PTPRN2: variants seen among roughly 807,000 people sequenced by gnomAD.
The protein encoded by PTPRN2 is protein tyrosine phosphatase receptor type N2, also known as receptor-type tyrosine-protein phosphatase N2.
Under a neutral mutation model 118.8 loss-of-function variants are expected in PTPRN2, and 74 were observed. The ratio of observed to expected loss-of-function variants is 0.62; its 90% CI spans 0.52 to 0.76. The LOEUF (loss-of-function observed/expected upper bound fraction) is 0.76. Among genes scored for constraint, PTPRN2 ranks in the 30% least tolerant of loss-of-function variants. The pLI, the probability that PTPRN2 is intolerant of heterozygous loss-of-function variation, is 0.00. For synonymous variants in PTPRN2, 641 were observed against 608.0 expected, an observed-to-expected ratio of 1.05 and a Z score of -0.80; for missense variants, 1,481 against 1,394.4, an observed-to-expected ratio of 1.06 and a Z score of -0.99.
At chr7:158,242,203 G>GTCCTCTGCACCT (rs1795944798) in intron 3 of PTPRN2, among the ~76,000 whole-genome samples, 1 of 152,052 alleles carries the variant, frequency 6.6e-6, no homozygotes, top group Non-Finnish European at 1.5e-5. Flanking sequence ...TCCCCGCCCC[G>GTCCTCTGCACCT]TCCTCTGCAC....
At chr7:158,185,148 T>A (rs1486823224) in intron 5 of PTPRN2, among the ~76,000 whole-genome samples, 1 of 152,212 alleles carries the variant, frequency 6.6e-6, no homozygotes, top group Non-Finnish European at 1.5e-5. Flanking sequence ...TTGATAAAAA[T>A]TGTTTAGAAT....
chr7:158,137,240 A>G (rs1262594490), intron 7 of PTPRN2, among the ~76,000 whole-genome samples: 1 of 151,998 alleles, frequency 6.6e-6, no homozygotes, highest in African/African-American at 2.4e-5. Context: ...AACAGGCGAA[A>G]CCCCGTCTCT....
intron 11 of PTPRN2, among the ~76,000 whole-genome samples, chr7:157,935,496 A>G (rs1799642319): frequency 6.6e-6 from 1 of 152,126 alleles, no homozygotes; most frequent in Non-Finnish European, 1.5e-5. Flanking sequence ...CACGGCCTCC[A>G]TCTTTCTGCT....
At chr7:158,454,881 C>T (rs372033140) in intron 2 of PTPRN2, among the ~76,000 whole-genome samples, 28 of 152,178 alleles carry the variant, frequency 1.8e-4, no homozygotes, top group South Asian at 4.1e-4. Flanking sequence ...ACAGAGATGA[C>T]GGCTGTTGCA....
chr7:158,412,767 G>A (rs1586611859), intron 2 of PTPRN2, among the ~76,000 whole-genome samples: 7 of 100,332 alleles, frequency 7.0e-5, no homozygotes, highest in South Asian at 4.2e-4. Context: ...ACCCTCCTCA[G>A]CACCAGGGCC....
chr7:157,767,968 C>CT (rs1802582465), intron 12 of PTPRN2, among the ~76,000 whole-genome samples: 1 of 152,222 alleles, frequency 6.6e-6, no homozygotes, highest in Admixed American at 6.5e-5. Context: ...GGGACGCTTC[C>CT]ATACACGATT....
chr7:158,337,165 C>A (rs1299247276), intron 2 of PTPRN2, among the ~76,000 whole-genome samples: 572 of 149,526 alleles, frequency 3.8e-3, no homozygotes, highest in African/African-American at 0.013. Flanking sequence ...AGAGGTGACA[C>A]CTGCAGACGT....
chr7:157,878,174 G>A (rs1411713979), intron 12 of PTPRN2, among the ~76,000 whole-genome samples: 4 of 152,220 alleles, frequency 2.6e-5, no homozygotes, highest in African/African-American at 9.6e-5. Flanking sequence ...CCTCTTGGTG[G>A]CCTGTGGTCC....
chr7:158,510,860 C>T (rs1306139103), intron 1 of PTPRN2, among the ~76,000 whole-genome samples: 14 of 152,212 alleles, frequency 9.2e-5, no homozygotes, highest in African/African-American at 2.9e-4. Flanking sequence ...TTCTCAGGGC[C>T]GCTTGCTGGG....
At position 158,526,735 on chromosome 7, in the gene PTPRN2, C is replaced by T. The variant is rs143362364; in HGVS notation, c.113-36950G>A. Among the ~76,000 whole-genome samples the T allele has an allele frequency of 3.4e-4, 51 of 152,200 alleles. No homozygotes were observed. Among genetic ancestry groups the T allele is most frequent in the Middle Eastern group, 3.4e-3 (1 of 294 alleles). On this transcript the variant is annotated intron_variant, in intron 1 of 22. Coordinates refer to ENST00000389418, the MANE Select transcript of PTPRN2 (RefSeq NM_002847.5). The surrounding 1 kb of genome is among the most constrained non-coding windows in gnomAD (Gnocchi z 5.2). Reference sequence around the variant, plus strand: ...GGAGGAGGAGGTGAGGACACAGACACGCACAGATGGACAACCCTGTGGGGC... The same window carrying T: ...GGAGGAGGAGGTGAGGACACAGACATGCACAGATGGACAACCCTGTGGGGC...
intron 2 of PTPRN2, among the ~76,000 whole-genome samples, chr7:158,431,131 C>T (rs1333566534): frequency 6.6e-6 from 1 of 152,236 alleles, no homozygotes; most frequent in African/African-American, 2.4e-5. Context: ...TGAATGTTTT[C>T]AGTGACAGAT....
chr7:158,391,792 G>A (rs570868435), intron 2 of PTPRN2, among the ~76,000 whole-genome samples: 42 of 152,210 alleles, frequency 2.8e-4, no homozygotes, highest in Non-Finnish European at 4.7e-4. Flanking sequence ...TCAGTACCGG[G>A]GGCGGGGGAG....
intron 11 of PTPRN2, among the ~76,000 whole-genome samples, chr7:157,920,474 G>A (rs557149306): frequency 6.6e-5 from 10 of 152,338 alleles, no homozygotes. Context: ...CCTACACCAA[G>A]GCCCCCCATG....
intron 11 of PTPRN2, among the ~76,000 whole-genome samples, chr7:158,046,457 G>A (rs538037289): frequency 6.6e-5 from 10 of 151,672 alleles, no homozygotes; most frequent in Non-Finnish European, 1.5e-4. Context: ...TGCGATCCTG[G>A]CATCCTGACA....
At chr7:158,586,646 G>A (rs1171059671) in intron 1 of PTPRN2, among the ~76,000 whole-genome samples, 1 of 152,228 alleles carries the variant, frequency 6.6e-6, no homozygotes, top group Non-Finnish European at 1.5e-5. Context: ...GCGTCCGCCT[G>A]GGAAAGCAGC....
intron 12 of PTPRN2, among the ~76,000 whole-genome samples, chr7:157,735,050 G>A (rs1338057566): frequency 1.3e-5 from 2 of 152,234 alleles, no homozygotes; most frequent in Non-Finnish European, 2.9e-5. Flanking sequence ...TAGTGGTGCC[G>A]CTGGCACCGA....
At chr7:158,147,651 T>G in intron 6 of PTPRN2, among the ~76,000 whole-genome samples, 1 of 103,536 alleles carries the variant, frequency 9.7e-6, no homozygotes, top group African/African-American at 4.0e-5. Flanking sequence ...ACACCCCATC[T>G]CATGCCACGT....
At chr7:158,540,867 T>C (rs1384467707) in intron 1 of PTPRN2, among the ~76,000 whole-genome samples, 1 of 152,242 alleles carries the variant, frequency 6.6e-6, no homozygotes, top group Non-Finnish European at 1.5e-5. Context: ...CCAAGGCCAA[T>C]GTGCCCCAGT....
chr7:157,577,352 C>G (rs953950891), intron 18 of PTPRN2, among the ~76,000 whole-genome samples: 1 of 152,198 alleles, frequency 6.6e-6, no homozygotes, highest in Non-Finnish European at 1.5e-5. Flanking sequence ...GAGCCTCTAA[C>G]TCGCTTCCTG....
Sources: gnomAD v4.1 joint callset for allele counts (sites outside exome capture counted in the v4.1 genomes callset) on GRCh38, gnomAD v4.1.1 for gene constraint, Gnocchi (gnomAD v3.1) non-coding constraint, MANE v1.5 for transcripts, NCBI Gene and HGNC (gene_info 2026-07-23, HGNC 2026-07-21) for gene names.